CAB39L: variants seen among roughly 807,000 people sequenced by gnomAD.
CAB39L encodes calcium-binding protein 39-like.
A neutral mutation model predicts 39.1 loss-of-function variants in CAB39L; 23 were observed. The ratio of observed to expected loss-of-function variants is 0.59; its 90% CI spans 0.42 to 0.83. CAB39L has a LOEUF of 0.83. CAB39L is among the 40% of genes least tolerant of loss of function. The pLI, the probability that CAB39L is intolerant of heterozygous loss-of-function variation, is 0.00. For missense variants in CAB39L, 366 were observed against 391.9 expected, an observed-to-expected ratio of 0.93 and a Z score of 0.56; for synonymous variants, 126 against 137.2, an observed-to-expected ratio of 0.92 and a Z score of 0.57.
intron 6 of CAB39L, among the ~76,000 whole-genome samples, chr13:49,355,951 T>C (rs1416652491): frequency 6.6e-6 from 1 of 152,166 alleles, no homozygotes; most frequent in African/African-American, 2.4e-5. Context: ...TTCTAACACC[T>C]GAAGCTGTGG....
At chr13:49,368,420 C>T (rs1391874795) in intron 5 of CAB39L, among the ~76,000 whole-genome samples, 1 of 152,182 alleles carries the variant, frequency 6.6e-6, no homozygotes, top group African/African-American at 2.4e-5. Flanking sequence ...ACACGTTAAT[C>T]TTTGTAGCTA....
intron 3 of CAB39L, among the ~76,000 whole-genome samples, chr13:49,404,951 C>T (rs1041762442): frequency 6.6e-6 from 1 of 151,892 alleles, no homozygotes; most frequent in African/African-American, 2.4e-5. Flanking sequence ...CTCAAAATGG[C>T]AAATCTAAGA....
At chr13:49,390,157 G>C (rs1043348630) in intron 3 of CAB39L, among the ~76,000 whole-genome samples, 3 of 151,948 alleles carry the variant, frequency 2.0e-5, no homozygotes, top group African/African-American at 7.3e-5. Context: ...AAAGTGTTGG[G>C]GTTACAGGTG....
chr13:49,413,203 A>G (rs1957026522), intron 3 of CAB39L, among the ~76,000 whole-genome samples: 1 of 152,236 alleles, frequency 6.6e-6, no homozygotes, highest in Admixed American at 6.5e-5. Context: ...AAAAGGAAGA[A>G]GAAATATGCA....
chr13:49,311,100 G>T, intron 10 of CAB39L, 107 bp from the exon 11 acceptor site: 1 of 895,174 alleles, frequency 1.1e-6, no homozygotes, highest in Non-Finnish European at 1.7e-6. Flanking sequence ...TTTCATGCGT[G>T]ACTGATATTA....
intron 6 of CAB39L, among the ~76,000 whole-genome samples, chr13:49,359,223 C>T (rs569557939): frequency 1.3e-5 from 2 of 152,246 alleles, no homozygotes; most frequent in South Asian, 4.1e-4. Context: ...GGGATTCTAT[C>T]ACCCACCTCG....
intron 7 of CAB39L, among the ~76,000 whole-genome samples, chr13:49,347,593 GAC>G (rs1955216152): frequency 6.6e-6 from 1 of 152,168 alleles, no homozygotes; most frequent in South Asian, 2.1e-4. Flanking sequence ...TAGTAGTTTA[GAC>G]ACAGACATTT....
rs554798286 is a variant in CAB39L, at chr13:49,339,644, C to A, written c.690+33G>T. On this transcript the variant is annotated intron_variant, in intron 9 of 10. Transcript: ENST00000409308. The stretch of plus-strand genomic sequence containing the variant: ...CATTTGCTAATGAGATATAAACTTA[C>A]GGGGACACTGACTTAAAGAAATTTG... 3.7e-5 allele frequency: 56 copies of A among 1,525,380 alleles called. 1 individual carries two copies. In the South Asian group the frequency reaches 7.1e-4, roughly 19 times the overall value. The allele number at this position is 1,525,380 out of a possible 1,614,324, so 94.5% of individuals were successfully genotyped here. A position where few individuals can be genotyped will look rare whatever the true frequency, so the allele number is the denominator to read the frequency against.
chr13:49,329,058 C>G (rs1181296371), intron 10 of CAB39L, among the ~76,000 whole-genome samples: 1 of 151,960 alleles, frequency 6.6e-6, no homozygotes, highest in Non-Finnish European at 1.5e-5. Flanking sequence ...AATATTTAAC[C>G]CTTTCTTCAC....
chr13:49,313,008 C>T (rs1954039164), intron 10 of CAB39L, among the ~76,000 whole-genome samples: 2 of 152,140 alleles, frequency 1.3e-5, no homozygotes, highest in Non-Finnish European at 2.9e-5. Flanking sequence ...GATATTTAAA[C>T]ATAAACAACA....
intron 6 of CAB39L, among the ~76,000 whole-genome samples, chr13:49,357,890 C>T (rs574795064): frequency 3.9e-5 from 6 of 152,296 alleles, no homozygotes; most frequent in South Asian, 2.1e-4. Flanking sequence ...CAACTTCATA[C>T]GGCACCCTTC....
At chr13:49,329,460 G>A (rs1954603813) in intron 10 of CAB39L, among the ~76,000 whole-genome samples, 1 of 149,760 alleles carries the variant, frequency 6.7e-6, no homozygotes, top group Non-Finnish European at 1.5e-5. Context: ...AGACTCCTGA[G>A]GGGTGGCTGC....
chr13:49,357,978 C>G lies in CAB39L; in HGVS notation c.395+1736G>C, dbSNP rs532549545. On this transcript the variant is annotated intron_variant, in intron 6 of 10. Transcript: ENST00000409308. ...ACACATAAAATCTCTTATATACTTT[C>G]ACCTTTCTGTGGGCCGAAATGGCAA... Among the ~76,000 whole-genome samples the G allele has an allele frequency of 1.3e-3, 196 of 152,362 alleles. 1 individual carries two copies. The highest frequency in any genetic ancestry group is 4.5e-3 in the African/African-American group (187 of 41,586).
chr13:49,387,182 A>G (rs1487426859), intron 3 of CAB39L, among the ~76,000 whole-genome samples: 1 of 152,178 alleles, frequency 6.6e-6, no homozygotes. Context: ...TAGGTTATTC[A>G]CCACTGTCCC....
intron 3 of CAB39L, among the ~76,000 whole-genome samples, chr13:49,432,889 G>A (rs894598089): frequency 6.6e-6 from 1 of 152,090 alleles, no homozygotes; most frequent in Non-Finnish European, 1.5e-5. Context: ...CTTTATATGG[G>A]ACCCAGGGAT....
At chr13:49,398,883 C>G (rs1956699761) in intron 3 of CAB39L, among the ~76,000 whole-genome samples, 1 of 152,050 alleles carries the variant, frequency 6.6e-6, no homozygotes, top group Admixed American at 6.6e-5. Context: ...CCCATGTACT[C>G]AAGATACCTA....
intron 4 of CAB39L, among the ~76,000 whole-genome samples, chr13:49,377,701 G>A (rs1426865511): frequency 2.6e-5 from 2 of 77,772 alleles, no homozygotes; most frequent in East Asian, 4.4e-4. Flanking sequence ...GTGCTCAATG[G>A]TGCCCAGGCT....
At chr13:49,326,033 C>T (rs1466780216) in intron 10 of CAB39L, among the ~76,000 whole-genome samples, 2 of 152,186 alleles carry the variant, frequency 1.3e-5, no homozygotes, top group Non-Finnish European at 2.9e-5. Flanking sequence ...TAGCCAAATG[C>T]TAGGATCTGA....
intron 6 of CAB39L, among the ~76,000 whole-genome samples, chr13:49,356,793 G>A (rs1467069149): frequency 3.3e-5 from 5 of 152,052 alleles, no homozygotes; most frequent in Non-Finnish European, 7.4e-5. Context: ...GGCTGGGTGC[G>A]GTAGCTCATG....
Sources: gnomAD v4.1 joint callset for allele counts (sites outside exome capture counted in the v4.1 genomes callset) on GRCh38, gnomAD v4.1.1 for gene constraint, MANE v1.5 for transcripts, NCBI Gene and HGNC (gene_info 2026-07-23, HGNC 2026-07-21) for gene names.